Variants in ANKS1B observed in about 807,000 individuals in gnomAD.
ANKS1B encodes ankyrin repeat and sterile alpha motif domain containing 1B.
In ANKS1B, 36 loss-of-function variants were observed where a neutral mutation model predicts 148.3. The ratio of observed to expected loss-of-function variants is 0.24; its 90% CI spans 0.19 to 0.32. The LOEUF is 0.32. ANKS1B is among the 10% of genes least tolerant of loss of function. ANKS1B has a pLI of 1.00. For synonymous variants in ANKS1B, 542 were observed against 560.8 expected, an observed-to-expected ratio of 0.97 and a Z score of 0.47; for missense variants, 1,157 against 1,542.6, an observed-to-expected ratio of 0.75 and a Z score of 4.19.
At chr12:99,479,964 T>C (rs2096384735) in intron 10 of ANKS1B, among the ~76,000 whole-genome samples, 1 of 151,888 alleles carries the variant, frequency 6.6e-6, no homozygotes, top group South Asian at 2.1e-4. Context: ...ATCCATTCCA[T>C]TATGTATACA....
At chr12:99,215,994 CA>C (rs1386876217) in intron 14 of ANKS1B, among the ~76,000 whole-genome samples, 1 of 152,140 alleles carries the variant, frequency 6.6e-6, no homozygotes, top group Non-Finnish European at 1.5e-5. Context: ...CCATAATCCC[CA>C]TGTGTCAAGG....
At chr12:98,982,420 A>G (rs2099912643) in intron 17 of ANKS1B, among the ~76,000 whole-genome samples, 1 of 152,210 alleles carries the variant, frequency 6.6e-6, no homozygotes, top group Non-Finnish European at 1.5e-5. Context: ...CTGGTGTAAG[A>G]AAAATAACTT....
At chr12:99,115,932 CAAAA>C (rs60585792) in intron 15 of ANKS1B, among the ~76,000 whole-genome samples, 2 of 65,046 alleles carry the variant, frequency 3.1e-5, no homozygotes, top group Admixed American at 1.6e-4. Context: ...GACTCCGTCT[CAAAA>C]AAAAAAAAAA....
At position 98,855,488 on chromosome 12, in the gene ANKS1B, T is replaced by C. The variant is rs76022204; in HGVS notation, c.2779-23352A>G. On this transcript the variant is annotated intron_variant, in intron 17 of 26. Transcript: ENST00000683438. ...AAATAGAAGCATATTCGGAAACATA[T>C]TTAATTTTACGATGTTAAAAATGAT... Among the ~76,000 whole-genome samples the C allele has an allele frequency of 4.5e-3, 679 of 152,356 alleles. 4 individuals are homozygous for C. Among genetic ancestry groups the C allele is most frequent in the African/African-American group, 0.016 (653 of 41,582 alleles).
At chr12:99,461,700 T>C (rs924672502) in intron 10 of ANKS1B, among the ~76,000 whole-genome samples, 1 of 152,304 alleles carries the variant, frequency 6.6e-6, no homozygotes, top group East Asian at 1.9e-4. Context: ...AAGCCTATCA[T>C]CATTTTGGGA....
At chr12:99,841,191 A>G (rs1157109727) in intron 1 of ANKS1B, among the ~76,000 whole-genome samples, 1 of 152,118 alleles carries the variant, frequency 6.6e-6, no homozygotes, top group Non-Finnish European at 1.5e-5. Context: ...AAGTGCTAGC[A>G]CAATGCCTGA....
intron 17 of ANKS1B, among the ~76,000 whole-genome samples, chr12:98,920,092 C>T (rs1249473959): frequency 2.6e-5 from 4 of 152,204 alleles, no homozygotes; most frequent in Non-Finnish European, 2.9e-5. Flanking sequence ...GATGGCAGCA[C>T]TGGGGAGAAA....
chr12:99,474,106 A>G (rs1371947687), intron 10 of ANKS1B, among the ~76,000 whole-genome samples: 3 of 152,058 alleles, frequency 2.0e-5, no homozygotes, highest in Non-Finnish European at 4.4e-5. Flanking sequence ...TATTGAATTC[A>G]ATGTGGTAAT....
chr12:99,853,791 A>C (rs1015149514), intron 1 of ANKS1B, among the ~76,000 whole-genome samples: 1 of 152,208 alleles, frequency 6.6e-6, no homozygotes, highest in East Asian at 1.9e-4. Flanking sequence ...GCACCAGAGA[A>C]AGGTGATGTC....
chr12:98,904,193 G>A (rs1596586471), intron 17 of ANKS1B, among the ~76,000 whole-genome samples: 1 of 152,234 alleles, frequency 6.6e-6, no homozygotes, highest in East Asian at 1.9e-4. Context: ...TGGGGGTGGG[G>A]ATAAAGAAGA....
chr12:99,186,397 A>G (rs2079861819), intron 14 of ANKS1B, among the ~76,000 whole-genome samples: 1 of 152,218 alleles, frequency 6.6e-6, no homozygotes, highest in African/African-American at 2.4e-5. Context: ...GCTAAGGGAC[A>G]GACTGCCTCC....
At chr12:99,030,475 A>T (rs2099951401) in intron 17 of ANKS1B, among the ~76,000 whole-genome samples, 1 of 151,128 alleles carries the variant, frequency 6.6e-6, no homozygotes, top group South Asian at 2.1e-4. Context: ...ATGAAAAAGA[A>T]GTTAAATTCC....
intron 12 of ANKS1B, among the ~76,000 whole-genome samples, chr12:99,317,582 C>T (rs1395847642): frequency 2.0e-5 from 3 of 152,080 alleles, no homozygotes; most frequent in Non-Finnish European, 4.4e-5. Flanking sequence ...ATGGGGTTTT[C>T]TAAATATACA....
chr12:99,322,340 A>T (rs1033017098), intron 12 of ANKS1B, among the ~76,000 whole-genome samples: 14 of 152,094 alleles, frequency 9.2e-5, no homozygotes, highest in Admixed American at 8.5e-4. Context: ...AACAACACAC[A>T]CCAATGCCTG....
intron 17 of ANKS1B, among the ~76,000 whole-genome samples, chr12:98,911,750 C>T (rs1271713570): frequency 6.6e-6 from 1 of 152,138 alleles, no homozygotes; most frequent in African/African-American, 2.4e-5. Context: ...TGTATGCACC[C>T]CTACAAACTA....
At chr12:99,616,918 T>C (rs1742930208) in intron 9 of ANKS1B, among the ~76,000 whole-genome samples, 1 of 151,858 alleles carries the variant, frequency 6.6e-6, no homozygotes, top group Non-Finnish European at 1.5e-5. Flanking sequence ...ATCCAGAATC[T>C]ACAAGAACTT....
At chr12:99,874,549 T>TA (rs1307515003) in intron 1 of ANKS1B, among the ~76,000 whole-genome samples, 1 of 152,190 alleles carries the variant, frequency 6.6e-6, no homozygotes, top group African/African-American at 2.4e-5. Flanking sequence ...ACTAATGAAA[T>TA]ATTAGTCTTT....
chr12:99,065,480 T>C (rs1428782266), intron 16 of ANKS1B, among the ~76,000 whole-genome samples: 1 of 152,220 alleles, frequency 6.6e-6, no homozygotes, highest in African/African-American at 2.4e-5. Context: ...TGACTTATGT[T>C]CTACCTGGGT....
chr12:99,680,623 C>A (rs995479772), intron 8 of ANKS1B, among the ~76,000 whole-genome samples: 9 of 152,032 alleles, frequency 5.9e-5, no homozygotes, highest in African/African-American at 2.2e-4. Context: ...TTTTCCTGGG[C>A]AGAATCGGGG....
Sources: gnomAD v4.1 joint callset for allele counts (sites outside exome capture counted in the v4.1 genomes callset) on GRCh38, gnomAD v4.1.1 for gene constraint, MANE v1.5 for transcripts, NCBI Gene and HGNC (gene_info 2026-07-23, HGNC 2026-07-21) for gene names.